Variants in ATE1 observed in about 807,000 individuals in gnomAD.
ATE1 encodes the protein arginyl-tRNA--protein transferase 1.
ATE1 carries 36 observed loss-of-function variants against 70.5 expected under a neutral mutation model. The observed-to-expected ratio is 0.51, with a 90% CI of 0.39 to 0.67. The LOEUF is 0.67. Ranked by LOEUF, ATE1 falls within the 30% of genes least tolerant of loss-of-function variation. The pLI is 0.00. For synonymous variants in ATE1, 232 were observed against 219.3 expected, an observed-to-expected ratio of 1.06 and a Z score of -0.51; for missense variants, 593 against 629.5, an observed-to-expected ratio of 0.94 and a Z score of 0.62.
intron 11 of ATE1, among the ~76,000 whole-genome samples, chr10:121,765,657 A>T (rs1264949232): frequency 6.6e-6 from 1 of 152,132 alleles, no homozygotes; most frequent in Non-Finnish European, 1.5e-5. Flanking sequence ...TAGCAAGAAA[A>T]CTCCCAAACT....
intron 7 of ATE1, among the ~76,000 whole-genome samples, chr10:121,882,049 G>A (rs1284553498): frequency 1.3e-5 from 2 of 152,126 alleles, no homozygotes; most frequent in Non-Finnish European, 2.9e-5. Flanking sequence ...AGCCACCTCG[G>A]CCTCCCAAAG....
At chr10:121,927,386 G>A in intron 1 of ATE1, 1 of 979,416 alleles carries the variant, frequency 1.0e-6, no homozygotes, top group Non-Finnish European at 1.2e-6. Flanking sequence ...CATCCTTCCT[G>A]TACATTCGTC....
intron 5 of ATE1, among the ~76,000 whole-genome samples, chr10:121,910,702 T>C (rs1191507693): frequency 6.6e-6 from 1 of 152,206 alleles, no homozygotes; most frequent in Non-Finnish European, 1.5e-5. Context: ...GATAAGGCTA[T>C]TGTTACAGGC....
chr10:121,926,695 G>C, intron 1 of ATE1: 1 of 981,896 alleles, frequency 1.0e-6, no homozygotes, highest in South Asian at 4.7e-5. Context: ...TTCTGAAAAA[G>C]AGAAGGTAGA....
intron 11 of ATE1, among the ~76,000 whole-genome samples, chr10:121,770,214 A>C (rs1945447625): frequency 6.8e-6 from 1 of 147,310 alleles, no homozygotes; most frequent in African/African-American, 2.5e-5. Flanking sequence ...TACACTAAGA[A>C]TAAGAAAGAC....
At chr10:121,897,703 G>T (rs1346685337) in intron 7 of ATE1, among the ~76,000 whole-genome samples, 1 of 151,938 alleles carries the variant, frequency 6.6e-6, no homozygotes, top group Non-Finnish European at 1.5e-5. Flanking sequence ...GCACGCGCCT[G>T]TAGTCCCAGC....
At chr10:121,830,181 G>A (rs939304199) in intron 10 of ATE1, among the ~76,000 whole-genome samples, 1 of 152,136 alleles carries the variant, frequency 6.6e-6, no homozygotes, top group African/African-American at 2.4e-5. Flanking sequence ...GGTTTGACCT[G>A]GTTTGCCCCT....
At chr10:121,921,838 C>G (rs1474085783) in intron 3 of ATE1, among the ~76,000 whole-genome samples, 1 of 152,180 alleles carries the variant, frequency 6.6e-6, no homozygotes, top group Admixed American at 6.5e-5. Context: ...GACGTTGAGT[C>G]AGCTGGGCCT....
intron 11 of ATE1, among the ~76,000 whole-genome samples, chr10:121,757,294 A>G (rs1944847443): frequency 6.6e-6 from 1 of 152,168 alleles, no homozygotes; most frequent in South Asian, 2.1e-4. Flanking sequence ...CTTTGGTCAA[A>G]GCCATCCAAC....
Position 121,875,132 on chromosome 10 carries a change from C to A in ATE1, c.943-5094G>T, listed in dbSNP as rs1418656630. ...CCAGCCTGGGCGACAGACTGAGACTCCGTCTCAAAAAAAAAAAAAAAAAAA... is the reference window on the plus strand; with the variant it reads ...CCAGCCTGGGCGACAGACTGAGACTACGTCTCAAAAAAAAAAAAAAAAAAA... On this transcript the variant is annotated intron_variant, in intron 7 of 11. Coordinates refer to ENST00000224652, the MANE Select transcript of ATE1 (RefSeq NM_001001976.3). Among the ~76,000 whole-genome samples the A allele has an allele frequency of 2.5e-3, 315 of 126,256 alleles. 1 individual carries two copies. The highest frequency in any genetic ancestry group is 8.5e-3 in the African/African-American group (299 of 35,376). 82.8% of individuals were successfully genotyped at this position (126,256 alleles called of 152,430 possible).
At position 121,741,989 on chromosome 10, in the gene ATE1, A is replaced by C. The variant is rs1944162318; in HGVS notation, c.*1691T>G. On this transcript the variant is annotated 3_prime_UTR_variant, in exon 12 of 12. Transcript: ENST00000224652. Reference sequence around the variant, plus strand: ...AAGCTCTTTTCATTTTAGAGGAAAAAGAGAAAAAAGGCTCTATAGATTCTG... The same window carrying C: ...AAGCTCTTTTCATTTTAGAGGAAAACGAGAAAAAAGGCTCTATAGATTCTG... The C allele has an allele frequency of 6.6e-6, 1 of 152,162 alleles. No homozygotes were observed. Among genetic ancestry groups the C allele is most frequent in the South Asian group, 2.1e-4 (1 of 4,812 alleles). 9.4% of individuals were successfully genotyped at this position (152,162 alleles called of 1,614,324 possible).
intron 10 of ATE1, among the ~76,000 whole-genome samples, 179 bp downstream of exon 10, chr10:121,836,539 G>A (rs1476926319): frequency 6.6e-6 from 1 of 152,124 alleles, no homozygotes; most frequent in Non-Finnish European, 1.5e-5. Flanking sequence ...TGGATTACAA[G>A]AGCAGAAGAG....
intron 10 of ATE1, among the ~76,000 whole-genome samples, chr10:121,834,322 G>T (rs1190362493): frequency 6.6e-6 from 1 of 152,110 alleles, no homozygotes; most frequent in Non-Finnish European, 1.5e-5. Context: ...GATCTTGCCT[G>T]TATTGTTCAT....
intron 11 of ATE1, among the ~76,000 whole-genome samples, chr10:121,776,914 G>C (rs1945769567): frequency 6.6e-6 from 1 of 152,214 alleles, no homozygotes; most frequent in Admixed American, 6.5e-5. Context: ...GTGCATGAAA[G>C]GGCAGTGTGG....
chr10:121,881,852 G>C (rs749646452), intron 7 of ATE1, among the ~76,000 whole-genome samples: 1 of 151,996 alleles, frequency 6.6e-6, no homozygotes, highest in Non-Finnish European at 1.5e-5. Flanking sequence ...GGAGTGCAGC[G>C]GCACGACCTC....
At chr10:121,875,099 A>G (rs907714814) in intron 7 of ATE1, among the ~76,000 whole-genome samples, 3 of 143,162 alleles carry the variant, frequency 2.1e-5, no homozygotes, top group Non-Finnish European at 3.0e-5. Flanking sequence ...AGACCGCACC[A>G]CTGCACTCCA....
intron 7 of ATE1, among the ~76,000 whole-genome samples, chr10:121,878,198 T>C (rs991956222): frequency 7.2e-5 from 11 of 152,168 alleles, no homozygotes; most frequent in African/African-American, 2.2e-4. Context: ...AGTTAACCTC[T>C]GGGTAGGAAA....
chr10:121,750,701 A>T (rs1378744427), intron 11 of ATE1, among the ~76,000 whole-genome samples: 1 of 152,234 alleles, frequency 6.6e-6, no homozygotes, highest in Non-Finnish European at 1.5e-5. Context: ...AAAATTAATG[A>T]AAGTCTATTC....
chr10:121,869,497 A>T lies in ATE1; in HGVS notation c.975+509T>A, dbSNP rs1375432245. ...AACCATGATGAGGATTAAATGAAAAAGTGAATGAAGAACCCAGAATATTGC... is the reference window on the plus strand; with the variant it reads ...AACCATGATGAGGATTAAATGAAAATGTGAATGAAGAACCCAGAATATTGC... On this transcript the variant is annotated intron_variant, in intron 8 of 11. Transcript: ENST00000224652. Among the ~76,000 whole-genome samples the T allele has an allele frequency of 2.0e-5, 3 of 152,250 alleles. No individual in the cohort carries two copies. The East Asian group carries it at 5.8e-4, about 29-fold the overall frequency.
Sources: allele counts gnomAD v4.1 joint callset (sites outside exome capture counted in the v4.1 genomes callset), GRCh38; gene constraint gnomAD v4.1.1; transcripts MANE v1.5; gene names NCBI Gene and HGNC (gene_info 2026-07-23, HGNC 2026-07-21).